CHMP6: variants seen among roughly 807,000 people sequenced by gnomAD.
The protein encoded by CHMP6 is charged multivesicular body protein 6, also known as chromatin-modifying protein 6.
In CHMP6, 10 loss-of-function variants were observed where a neutral mutation model predicts 32.8. The observed-to-expected ratio is 0.30, with a 90% CI of 0.19 to 0.52. The LOEUF (loss-of-function observed/expected upper bound fraction) is 0.52, where lower values mean the gene tolerates loss of function less well. CHMP6 is among the 20% of genes least tolerant of loss of function. CHMP6 has a pLI of 0.97. For synonymous variants in CHMP6, 123 were observed against 105.8 expected (o/e 1.16, Z -1.00); for missense variants, 269 against 263.8 (o/e 1.02, Z -0.14).
rs1293453024 is a variant in CHMP6, at chr17:80,999,257, C to T, written c.*104C>T. The T allele has an allele frequency of 2.5e-5, 33 of 1,328,804 alleles. No homozygotes were observed. The highest frequency in any genetic ancestry group is 6.9e-5 in the Admixed American group (4 of 57,920). The allele number at this position is 1,328,804 out of a possible 1,614,324, so 82.3% of individuals were successfully genotyped here. ...TGACCGGGTTCCCTGGAGCCCAGTGCGCACGGTGCTGAGCAGAGCTGCAGC... is the reference window on the plus strand; with the variant it reads ...TGACCGGGTTCCCTGGAGCCCAGTGTGCACGGTGCTGAGCAGAGCTGCAGC... On this transcript the variant is annotated 3_prime_UTR_variant, in exon 8 of 8. Coordinates refer to ENST00000325167, the MANE Select transcript of CHMP6 (RefSeq NM_024591.5).
intron 1 of CHMP6, 34 bp from the exon 2 acceptor site, chr17:80,994,547 G>A (rs1156633990): frequency 6.6e-7 from 1 of 1,517,930 alleles, no homozygotes; most frequent in East Asian, 2.5e-5. Context: ...CCCAGTGTGG[G>A]CTCGGTGACG....
At chr17:80,992,695 C>G (rs925956467) in intron 1 of CHMP6, among the ~76,000 whole-genome samples, 2 of 152,180 alleles carry the variant, frequency 1.3e-5, no homozygotes, top group African/African-American at 4.8e-5. Flanking sequence ...GTGGTGGTGC[C>G]TTTTCCCATG....
chr17:80,991,925 A>G lies in CHMP6; in HGVS notation c.7A>G (p.Asn3Asp). 6.8e-7 allele frequency: 1 copy of G among 1,467,178 alleles called. No individual in the cohort carries two copies. Among genetic ancestry groups the G allele is most frequent in the South Asian group, 1.3e-5 (1 of 78,264 alleles). The allele number at this position is 1,467,178 out of a possible 1,614,324, so 90.9% of individuals were successfully genotyped here. The change falls in exon 1 of 8, where the codon AAC (asparagine) becomes GAC (aspartate). Residue 3 changes from asparagine (N) to aspartate (D), a missense_variant. By Grantham distance (23) the Asn-to-Asp change is conservative (BLOSUM62 1). Transcript: ENST00000325167. MG[N>D]LFGRKKQSRV... is the part of the protein sequence containing the mutation. ...GCCAGGGGCGGGCGCCGCCATGGGT[A>G]ACCTGTTCGGCCGCAAGAAGCAGAG...
chr17:80,993,467 G>GGCGAGGGA (rs1330628643), intron 1 of CHMP6, among the ~76,000 whole-genome samples: 4 of 152,172 alleles, frequency 2.6e-5, no homozygotes, highest in Admixed American at 2.6e-4. Context: ...ACGGCGAGGG[G>GGCGAGGGA]GAGACTCCGT....
chr17:80,999,084 T>C lies in CHMP6; in HGVS notation c.551-14T>C, dbSNP rs757417080. The C allele has an allele frequency of 6.2e-7, 1 of 1,613,742 alleles. No individual in the cohort carries two copies. The highest frequency in any genetic ancestry group is 8.5e-7 in the Non-Finnish European group (1 of 1,179,762). On this transcript the variant is annotated splice_polypyrimidine_tract_variant and intron_variant, in intron 7 of 7. Transcript: ENST00000325167. ...GTCTTTGGCGTGTCATAAACATCTC[T>C]GTTTCCTCCACAGAAAACGTCCCTG...
At chr17:80,996,518 C>T (rs78452871) in intron 4 of CHMP6, among the ~76,000 whole-genome samples, 3,665 of 152,268 alleles carry the variant, frequency 0.024, 171 homozygotes, top group African/African-American at 0.084. Context: ...GCTACTTTTC[C>T]AAGTGTTTGG....
Position 80,999,081 on chromosome 17 carries a change from C to T in CHMP6, c.551-17C>T, listed in dbSNP as rs2069663479. 3 of 1,613,568 alleles carry T rather than the reference C, an allele frequency of 1.9e-6. No homozygotes were observed. Among genetic ancestry groups the T allele is most frequent in the Non-Finnish European group, 8.5e-7 (1 of 1,179,750 alleles). The stretch of plus-strand genomic sequence containing the variant: ...TGGGTCTTTGGCGTGTCATAAACAT[C>T]TCTGTTTCCTCCACAGAAAACGTCC... On this transcript the variant is annotated splice_polypyrimidine_tract_variant and intron_variant, in intron 7 of 7. Transcript: ENST00000325167.
chr17:80,996,872 C>T (rs1483510590), intron 4 of CHMP6, 135 bp from the exon 5 acceptor site: 3 of 926,148 alleles, frequency 3.2e-6, no homozygotes, highest in Non-Finnish European at 4.8e-6. Context: ...GGCAACACAG[C>T]CAGACCTTGT....
At chr17:80,993,326 A>G (rs1224112141) in intron 1 of CHMP6, among the ~76,000 whole-genome samples, 4 of 150,750 alleles carry the variant, frequency 2.7e-5, no homozygotes, top group Non-Finnish European at 4.4e-5. Flanking sequence ...GTGACCCTCC[A>G]CTGAGACCTT....
At chr17:80,992,656 G>C (rs888662868) in intron 1 of CHMP6, among the ~76,000 whole-genome samples, 3 of 152,088 alleles carry the variant, frequency 2.0e-5, no homozygotes, top group Admixed American at 6.5e-5. Flanking sequence ...GGCGACTCCA[G>C]ACTGACCCCC....
chr17:80,994,548 C>T (rs1387017377), intron 1 of CHMP6, 33 bp from the exon 2 acceptor site: 16 of 1,521,266 alleles, frequency 1.1e-5, no homozygotes, highest in Non-Finnish European at 1.3e-5. Context: ...CCAGTGTGGG[C>T]TCGGTGACGC....
Position 80,996,665 on chromosome 17 carries a change from TGA to T in CHMP6, c.349-338_349-337del, listed in dbSNP as rs370934190. ...GGCGGCTGTGAGAGCTGACTCAGGG[TGA>T]GAGGGGGCATCGGGCGCCAGGGCAG... On this transcript the variant is annotated intron_variant, in intron 4 of 7. Transcript: ENST00000325167. Among the ~76,000 whole-genome samples, 272 of 152,232 alleles carry T rather than the reference TGA, an allele frequency of 1.8e-3. 4 individuals carry two copies. The East Asian group carries it at 0.026, about 15-fold the overall frequency.
At chr17:80,992,208 G>C (rs8080539) in intron 1 of CHMP6, among the ~76,000 whole-genome samples, 95,450 of 151,304 alleles carry the variant, frequency 0.63, 30,547 homozygotes, top group African/African-American at 0.73. Context: ...CGTCTTCCCC[G>C]GGGCCCGCGC....
chr17:80,995,416 G>A (rs943147280), intron 3 of CHMP6, among the ~76,000 whole-genome samples: 6 of 152,122 alleles, frequency 3.9e-5, no homozygotes, highest in South Asian at 4.1e-4. Context: ...GGACCCGAGC[G>A]GCGTGGTTCT....
rs2069665636 is a variant in CHMP6 at position 80,999,268 on chromosome 17, G to A, written c.*115G>A. On this transcript the variant is annotated 3_prime_UTR_variant, in exon 8 of 8. Transcript: ENST00000325167. ...CCTGGAGCCCAGTGCGCACGGTGCT[G>A]AGCAGAGCTGCAGCCACGCAGGCGC... 2.2e-5 allele frequency: 27 copies of A among 1,202,212 alleles called. No homozygotes were observed. Among genetic ancestry groups the A allele is most frequent in the Non-Finnish European group, 3.3e-5 (27 of 825,056 alleles). 74.5% of individuals were successfully genotyped at this position (1,202,212 alleles called of 1,614,324 possible).
intron 6 of CHMP6, among the ~76,000 whole-genome samples, chr17:80,997,763 C>A (rs74387351): frequency 0.12 from 17,765 of 152,186 alleles, 1,108 homozygotes; most frequent in Admixed American, 0.13. Flanking sequence ...TCTCTGTGGG[C>A]CCCTGCCTCA....
Position 80,991,985 on chromosome 17 carries a change from AG to A in CHMP6, c.63+7del. 7.0e-7 allele frequency: 1 copy of A among 1,425,140 alleles called. No individual in the cohort carries two copies. Among genetic ancestry groups the A allele is most frequent in the East Asian group, 3.2e-5 (1 of 31,166 alleles). The allele number at this position is 1,425,140 out of a possible 1,614,324, so 88.3% of individuals were successfully genotyped here. A position where few individuals can be genotyped will look rare whatever the true frequency, so the allele number is the denominator to read the frequency against. On this transcript the variant is annotated splice_donor_5th_base_variant and intron_variant, in intron 1 of 7. Transcript: ENST00000325167. ...GGAGCAGGACAAGGCCATCCTGGTG[AG>A]GGCCCGGGCCCGGGGTCAGGGCTGG...
Position 81,000,026 on chromosome 17 carries a change from G to C in CHMP6, c.*873G>C, listed in dbSNP as rs769197958. ...CACAGGGCTGGTTTGGTTATGAGAC[G>C]ATCTCGCTGGGACCGCCCCTGCCCG... On this transcript the variant is annotated 3_prime_UTR_variant, in exon 8 of 8. Coordinates refer to ENST00000325167, the MANE Select transcript of CHMP6 (RefSeq NM_024591.5). The C allele has an allele frequency of 6.6e-6, 1 of 152,244 alleles. No individual in the cohort carries two copies. Among genetic ancestry groups the C allele is most frequent in the Non-Finnish European group, 1.5e-5 (1 of 68,074 alleles). 9.4% of individuals were successfully genotyped at this position (152,244 alleles called of 1,614,324 possible).
At chr17:80,996,575 C>A (rs1426244271) in intron 4 of CHMP6, among the ~76,000 whole-genome samples, 1 of 152,200 alleles carries the variant, frequency 6.6e-6, no homozygotes, top group Non-Finnish European at 1.5e-5. Context: ...GCCCTTTGAC[C>A]TTTTGCCACT....
Sources: gnomAD v4.1 joint callset for allele counts (sites outside exome capture counted in the v4.1 genomes callset) on GRCh38, gnomAD v4.1.1 for gene constraint, MANE v1.5 for transcripts, NCBI Gene and HGNC (gene_info 2026-07-23, HGNC 2026-07-21) for gene names.